The following ZNF619 variants were observed in gnomAD, a reference collection of about 807,000 sequenced individuals.
The protein encoded by ZNF619 is zinc finger protein 619.
ZNF619 carries 9 observed loss-of-function variants against 14.2 expected under a neutral mutation model. The observed-to-expected ratio is 0.64, with a 90% CI of 0.38 to 1.11. The LOEUF (loss-of-function observed/expected upper bound fraction) is 1.11, where lower values mean the gene tolerates loss of function less well. Among genes scored for constraint, ZNF619 ranks in the 50% least tolerant of loss-of-function variants. The pLI, the probability that ZNF619 is intolerant of heterozygous loss-of-function variation, is 0.01. For synonymous variants in ZNF619, 246 were observed against 252.8 expected (o/e 0.97, Z 0.26); for missense variants, 659 against 680.1 (o/e 0.97, Z 0.34).
At position 40,477,942 on chromosome 3, in the gene ZNF619, A is replaced by G. The variant is rs1254938995; in HGVS notation, c.-38A>G. 1.3e-6 allele frequency: 2 copies of G among 1,552,960 alleles called. No individual in the cohort carries two copies. The highest frequency in any genetic ancestry group is 1.7e-6 in the Non-Finnish European group (2 of 1,147,458). The stretch of plus-strand genomic sequence containing the variant: ...GCTCCGCAGGTTCTTACTTTTTCAA[A>G]CCTAGAGGGCAGTGCATGAAGCCAG... On this transcript the variant is annotated 5_prime_UTR_variant, in exon 2 of 5. Transcript: ENST00000432264.
At chr3:40,485,835 C>A (rs917298975) in intron 4 of ZNF619, among the ~76,000 whole-genome samples, 4 of 152,130 alleles carry the variant, frequency 2.6e-5, no homozygotes, top group Admixed American at 6.6e-5. Context: ...CCCATACCCC[C>A]GCTCCAATTG....
chr3:40,488,234 C>G lies in ZNF619; in HGVS notation c.1724C>G (p.Ser575Cys), dbSNP rs780921812. The G allele has an allele frequency of 2.0e-6, 3 of 1,492,148 alleles. No homozygotes were observed. The South Asian group carries it at 3.6e-5, about 18-fold the overall frequency. 92.4% of individuals were successfully genotyped at this position (1,492,148 alleles called of 1,614,324 possible). A position where few individuals can be genotyped will look rare whatever the true frequency, so the allele number is the denominator to read the frequency against. The stretch of plus-strand genomic sequence containing the variant: ...CAGAGCCCGAATCCTTTGTCTCACT[C>G]CCTGTAAGCCCCGTCACGTTCTCAA... ...SLQSPNPLSH[S>C]L Residue 575 changes from serine (S) to cysteine (C), a missense_variant, in exon 5 of 5, where the codon TCC (serine) becomes TGC (cysteine). Physicochemically the swap from Ser to Cys is moderately radical, Grantham distance 112. Coordinates refer to ENST00000432264, the MANE Select transcript of ZNF619 (RefSeq NM_001145093.4).
chr3:40,488,215 C>A lies in ZNF619; in HGVS notation c.1705C>A (p.Pro569Thr). 1 of 1,593,204 alleles carries A rather than the reference C, an allele frequency of 6.3e-7. No individual in the cohort carries two copies. The highest frequency in any genetic ancestry group is 8.6e-7 in the Non-Finnish European group (1 of 1,165,470). The change falls in exon 5 of 5, where the codon CCG becomes ACG. Residue 569 changes from proline to threonine, a missense_variant. Coordinates refer to ENST00000432264, the MANE Select transcript of ZNF619 (RefSeq NM_001145093.4). ...AFPGKSSLQS[P>T]NPLSHSL ...TCCTGGGAAGTCATCCCTTCAGAGCCCGAATCCTTTGTCTCACTCCCTGTA... is the reference window on the plus strand; with the variant it reads ...TCCTGGGAAGTCATCCCTTCAGAGCACGAATCCTTTGTCTCACTCCCTGTA...
Position 40,487,133 on chromosome 3 carries a change from A to AGT in ZNF619, c.627_628dup (p.Gly210ValfsTer95), listed in dbSNP as rs753975021. ...GAACAGGTGTTTTATAAATGTGGTG[A>AGT]GTGTGGCAGTTACTACAACCCACAT... On this transcript the variant is annotated frameshift_variant, in exon 5 of 5. Coordinates refer to ENST00000432264, the MANE Select transcript of ZNF619 (RefSeq NM_001145093.4). LOFTEE classifies it low-confidence loss of function (END_TRUNC). 3.3e-5 allele frequency: 54 copies of AGT among 1,614,168 alleles called. No individual in the cohort carries two copies. The highest frequency in any genetic ancestry group is 4.5e-5 in the Non-Finnish European group (53 of 1,180,042).
intron 3 of ZNF619, 148 bp from the exon 4 acceptor site, chr3:40,482,440 C>G: frequency 1.3e-6 from 2 of 1,588,802 alleles, no homozygotes; most frequent in Non-Finnish European, 1.7e-6. Flanking sequence ...TCAAGCCCTT[C>G]CTTAGATTCT....
rs141502283 is a variant in ZNF619 at position 40,487,337 on chromosome 3, T to G, written c.827T>G (p.Leu276Arg). 3 of 1,614,070 alleles carry G rather than the reference T, an allele frequency of 1.9e-6. No homozygotes were observed. In the Admixed American group the frequency reaches 5.0e-5, roughly 27 times the overall value. ...GCCTTCAGTCAAAATTCCCACCTTC[T>G]TCAGCATCAGAAGCTCCATGGTGGA... is the stretch of plus-strand genomic sequence containing the variant. ...GQAFSQNSHLLQHQKLHGGQR... is the reference protein window; with the variant it reads ...GQAFSQNSHLRQHQKLHGGQR... The change falls in exon 5 of 5, where the codon CTT becomes CGT. Residue 276 changes from leucine (L) to arginine (R), a missense_variant. Leu to Arg is a moderately radical substitution (Grantham distance 102). Transcript: ENST00000432264.
chr3:40,485,302 A>ATT (rs5848567), intron 4 of ZNF619, among the ~76,000 whole-genome samples: 46,646 of 142,830 alleles, frequency 0.33, 7,576 homozygotes, highest in East Asian at 0.47. Flanking sequence ...TGAATGCATC[A>ATT]TTTTTTTTTT....
chr3:40,479,644 A>G (rs1214370348), intron 2 of ZNF619, among the ~76,000 whole-genome samples: 1 of 152,168 alleles, frequency 6.6e-6, no homozygotes, highest in African/African-American at 2.4e-5. Context: ...AGTATTAGAG[A>G]TACTATTTGA....
In ZNF619 at chr3:40,489,357, G is replaced by C. The variant is rs1406435530; in HGVS notation, c.*1116G>C. ...TAGTGCAGCCTCCCAGTTTCTCAGA[G>C]GGCTGAGGTGGGAGGATTGCTTGAG... is the stretch of plus-strand genomic sequence containing the variant. On this transcript the variant is annotated 3_prime_UTR_variant, in exon 5 of 5. Transcript: ENST00000432264. 6.8e-6 allele frequency: 1 copy of C among 146,938 alleles called. No homozygotes were observed. Among genetic ancestry groups the C allele is most frequent in the African/African-American group, 2.5e-5 (1 of 40,080 alleles). The allele number at this position is 146,938 out of a possible 1,614,324, so 9.1% of individuals were successfully genotyped here. A position where few individuals can be genotyped will look rare whatever the true frequency, so the allele number is the denominator to read the frequency against.
chr3:40,481,021 T>G (rs1456836301), intron 2 of ZNF619, among the ~76,000 whole-genome samples: 2 of 152,222 alleles, frequency 1.3e-5, no homozygotes, highest in Admixed American at 1.3e-4. Flanking sequence ...TTTAGTCTAT[T>G]TCAAAGTGCT....
In ZNF619 at chr3:40,490,468, A is replaced by C. The variant is rs947039411; in HGVS notation, c.*2227A>C. Among the ~76,000 whole-genome samples the C allele has an allele frequency of 3.8e-4, 58 of 152,282 alleles. No individual in the cohort carries two copies. Among genetic ancestry groups the C allele is most frequent in the African/African-American group, 1.3e-3 (55 of 41,568 alleles). On this transcript the variant is annotated 3_prime_UTR_variant, in exon 5 of 5. Coordinates refer to ENST00000432264, the MANE Select transcript of ZNF619 (RefSeq NM_001145093.4). ...CAAGGCTTAGAAGAGAAGACTAGGG[A>C]AAGTCTGAACCTTCTTAGAGATTAC...
In ZNF619 at chr3:40,488,134, G is replaced by A. The variant is rs546113390; in HGVS notation, c.1624G>A (p.Glu542Lys). The change falls in exon 5 of 5, where the codon GAA (glutamate) becomes AAA (lysine). Residue 542 changes from glutamate (E) to lysine (K), a missense_variant. Glu to Lys is a moderately conservative substitution (Grantham distance 56). Coordinates refer to ENST00000432264, the MANE Select transcript of ZNF619 (RefSeq NM_001145093.4). Reference sequence around the variant, plus strand: ...TTTCTTCCTGCTGCTTCCCTCATCTGAAAAGGCCAACCCTTCACCTGTCCA... The same window carrying A: ...TTTCTTCCTGCTGCTTCCCTCATCTAAAAAGGCCAACCCTTCACCTGTCCA... ...VPFFLLLPSSEKANPSPVQIA... is the reference protein window; with the variant it reads ...VPFFLLLPSSKKANPSPVQIA... 6.2e-7 allele frequency: 1 copy of A among 1,614,062 alleles called. No individual in the cohort carries two copies. The highest frequency in any genetic ancestry group is 2.2e-5 in the East Asian group (1 of 44,876).
chr3:40,490,371 G>C lies in ZNF619; in HGVS notation c.*2130G>C, dbSNP rs1045432995. 1 of 152,174 alleles carries C rather than the reference G, an allele frequency of 6.6e-6. No homozygotes were observed. The highest frequency in any genetic ancestry group is 1.5e-5 in the Non-Finnish European group (1 of 68,054). The allele number at this position is 152,174 out of a possible 1,614,324, so 9.4% of individuals were successfully genotyped here. On this transcript the variant is annotated 3_prime_UTR_variant, in exon 5 of 5. Coordinates refer to ENST00000432264, the MANE Select transcript of ZNF619 (RefSeq NM_001145093.4). Reference sequence around the variant, plus strand: ...CTTTGGAACTGAGTAATGGGTAGAGGCTTGAAAAATCTGGAAGATCAGGTC... The same window carrying C: ...CTTTGGAACTGAGTAATGGGTAGAGCCTTGAAAAATCTGGAAGATCAGGTC...
chr3:40,483,152 T>G (rs1697462450), intron 4 of ZNF619, among the ~76,000 whole-genome samples: 1 of 152,212 alleles, frequency 6.6e-6, no homozygotes, highest in Admixed American at 6.5e-5. Context: ...GAGGTTGCAG[T>G]AAGCTAGGAT....
At chr3:40,482,105 A>G (rs1473162325) in intron 3 of ZNF619, 89 bp downstream of exon 3, 10 of 1,549,828 alleles carry the variant, frequency 6.5e-6, no homozygotes, top group East Asian at 2.2e-5. Flanking sequence ...CTTTAATACC[A>G]TCAGAATTGA....
Position 40,487,289 on chromosome 3 carries a change from A to G in ZNF619, c.779A>G (p.Tyr260Cys). 6.2e-7 allele frequency: 1 copy of G among 1,614,134 alleles called. No individual in the cohort carries two copies. The highest frequency in any genetic ancestry group is 8.5e-7 in the Non-Finnish European group (1 of 1,180,020). ...AAAATCCACACTGGAGAGAAACCATACTCATGTGAGGAATGTGGACAAGCC... is the reference window on the plus strand; with the variant it reads ...AAAATCCACACTGGAGAGAAACCATGCTCATGTGAGGAATGTGGACAAGCC... ...HQKIHTGEKP[Y>C]SCEECGQAFS... The change falls in exon 5 of 5, where the codon TAC becomes TGC. Residue 260 changes from tyrosine (Y) to cysteine (C), a missense_variant. By Grantham distance (194) the Tyr-to-Cys change is radical. Coordinates refer to ENST00000432264, the MANE Select transcript of ZNF619 (RefSeq NM_001145093.4).
rs1192831970 is a variant in ZNF619 at position 40,491,025 on chromosome 3, C to G, written c.*2784C>G. Reference sequence around the variant, plus strand: ...AGTTCCCAGCCCTCGGAACCATGAGCTAAATAAACTTCTTTTCTTTATAAA... The same window carrying G: ...AGTTCCCAGCCCTCGGAACCATGAGGTAAATAAACTTCTTTTCTTTATAAA... On this transcript the variant is annotated 3_prime_UTR_variant, in exon 5 of 5. Transcript: ENST00000432264. Among the ~76,000 whole-genome samples the G allele has an allele frequency of 2.6e-5, 4 of 152,188 alleles. No individual in the cohort carries two copies. In the East Asian group the frequency reaches 7.7e-4, roughly 29 times the overall value.
chr3:40,481,792 C>T lies in ZNF619; in HGVS notation c.25-71C>T. The T allele has an allele frequency of 4.5e-6, 7 of 1,540,458 alleles. No homozygotes were observed. In the Admixed American group the frequency reaches 8.1e-5, roughly 18 times the overall value. On this transcript the variant is annotated intron_variant, in intron 2 of 4. Transcript: ENST00000432264. ...TTGCCAGTACAAACCTTCCATGGGG[C>T]TCAGTGCCATGGATTCCAGTAAATT...
chr3:40,482,837 G>C (rs1697451977), intron 4 of ZNF619, 133 bp downstream of exon 4: 3 of 672,862 alleles, frequency 4.5e-6, no homozygotes, highest in South Asian at 2.0e-5. Context: ...ATTCAAAGAA[G>C]TGTTGCTTAC....
Sources: allele counts gnomAD v4.1 joint callset (sites outside exome capture counted in the v4.1 genomes callset), GRCh38; gene constraint gnomAD v4.1.1; transcripts MANE v1.5; gene names NCBI Gene and HGNC (gene_info 2026-07-23, HGNC 2026-07-21).